SPAG16: variants seen among roughly 807,000 people sequenced by gnomAD.
The protein encoded by SPAG16 is sperm-associated antigen 16 protein.
A neutral mutation model predicts 80.4 loss-of-function variants in SPAG16; 86 were observed. The observed-to-expected ratio is 1.07, with a 90% confidence interval of 0.90 to 1.28. The LOEUF (loss-of-function observed/expected upper bound fraction) is 1.28, where lower values mean the gene tolerates loss of function less well. SPAG16 is among the 50% of genes most tolerant of loss of function. The probability of loss-of-function intolerance (pLI) is 0.00; values close to 1 mark genes in which losing one functional copy is unlikely to be tolerated. For missense variants in SPAG16, 870 were observed against 765.3 expected (o/e 1.14, Z -1.61); for synonymous variants, 294 against 265.9 (o/e 1.11, Z -1.03).
intron 15 of SPAG16, among the ~76,000 whole-genome samples, chr2:214,406,939 A>AT (rs1702028355): frequency 6.6e-6 from 1 of 152,116 alleles, no homozygotes; most frequent in Admixed American, 6.5e-5. Flanking sequence ...CTCAGTGTTG[A>AT]TATATACTGA....
intron 11 of SPAG16, among the ~76,000 whole-genome samples, chr2:213,885,021 G>A (rs2076498549): frequency 6.6e-6 from 1 of 152,148 alleles, no homozygotes; most frequent in Non-Finnish European, 1.5e-5. Flanking sequence ...CATTGCTGGG[G>A]AGGAACTGGT....
chr2:213,904,612 A>C (rs1346644635), intron 11 of SPAG16, among the ~76,000 whole-genome samples: 1 of 151,766 alleles, frequency 6.6e-6, no homozygotes, highest in Non-Finnish European at 1.5e-5. Flanking sequence ...AAAAAAAAAA[A>C]AAAAAAAAAC....
At chr2:213,702,081 T>C (rs926628624) in intron 10 of SPAG16, among the ~76,000 whole-genome samples, 1 of 152,222 alleles carries the variant, frequency 6.6e-6, no homozygotes, top group African/African-American at 2.4e-5. Context: ...AGAACTTTTA[T>C]GTCTAGCTAG....
chr2:213,777,927 T>A (rs936969837), intron 10 of SPAG16, among the ~76,000 whole-genome samples: 2 of 152,180 alleles, frequency 1.3e-5, no homozygotes, highest in Non-Finnish European at 2.9e-5. Context: ...CTCTAAAATA[T>A]CATCTTCCTG....
chr2:213,721,151 G>A (rs1461352038), intron 10 of SPAG16, among the ~76,000 whole-genome samples: 1 of 152,040 alleles, frequency 6.6e-6, no homozygotes, highest in African/African-American at 2.4e-5. Flanking sequence ...CCCAGGCTGA[G>A]TGCAGTGGCT....
intron 12 of SPAG16, among the ~76,000 whole-genome samples, chr2:214,001,917 A>G (rs1276429463): frequency 6.6e-6 from 1 of 152,204 alleles, no homozygotes; most frequent in Non-Finnish European, 1.5e-5. Flanking sequence ...GGCAATTTAT[A>G]AAGAAAAAGA....
At chr2:214,039,480 C>T (rs1044431273) in intron 13 of SPAG16, among the ~76,000 whole-genome samples, 4 of 152,176 alleles carry the variant, frequency 2.6e-5, no homozygotes, top group African/African-American at 7.2e-5. Context: ...AGCTTCTGCA[C>T]AGCAAAAGAA....
chr2:213,419,034 A>G (rs1267577481), intron 9 of SPAG16, among the ~76,000 whole-genome samples: 1 of 152,228 alleles, frequency 6.6e-6, no homozygotes, highest in African/African-American at 2.4e-5. Flanking sequence ...CAGGAGTAGT[A>G]TGGTAGGAAT....
intron 15 of SPAG16, among the ~76,000 whole-genome samples, chr2:214,392,699 A>G (rs1323092973): frequency 4.7e-4 from 6 of 12,798 alleles, no homozygotes; most frequent in East Asian, 3.1e-3. Flanking sequence ...CCTACAAAGG[A>G]AAAAAAAAAA....
chr2:213,831,567 G>T (rs62194368), intron 10 of SPAG16, among the ~76,000 whole-genome samples: 6,556 of 152,006 alleles, frequency 0.043, 236 homozygotes, highest in Non-Finnish European at 0.067. Flanking sequence ...TTGTTTGCTT[G>T]TTTGTATTCA....
At chr2:214,144,297 A>G (rs547528657) in intron 14 of SPAG16, among the ~76,000 whole-genome samples, 1 of 149,142 alleles carries the variant, frequency 6.7e-6, no homozygotes, top group African/African-American at 2.4e-5. Flanking sequence ...AAAGTATTAA[A>G]GGATTATAAA....
intron 12 of SPAG16, among the ~76,000 whole-genome samples, chr2:213,998,395 G>A (rs1323726583): frequency 1.3e-5 from 2 of 152,114 alleles, no homozygotes; most frequent in Admixed American, 6.6e-5. Flanking sequence ...TTTTATCAAG[G>A]GTTTTCCACT....
chr2:214,370,237 A>G (rs1282037903), intron 15 of SPAG16, among the ~76,000 whole-genome samples: 1 of 152,194 alleles, frequency 6.6e-6, no homozygotes, highest in Non-Finnish European at 1.5e-5. Context: ...TTATGTAAAT[A>G]AAATGGAATT....
At chr2:213,284,803 G>T (rs1280945793) in intron 1 of SPAG16, 184 bp downstream of exon 1, 7 of 829,586 alleles carry the variant, frequency 8.4e-6, no homozygotes, top group Non-Finnish European at 1.3e-5. Flanking sequence ...TGAATTTCTC[G>T]CCCTTAGTAG....
intron 12 of SPAG16, among the ~76,000 whole-genome samples, chr2:213,939,398 A>G (rs1016318590): frequency 1.3e-5 from 2 of 152,204 alleles, no homozygotes; most frequent in Non-Finnish European, 1.5e-5. Flanking sequence ...TCAAAAGATT[A>G]ATTCCTTTCT....
intron 10 of SPAG16, among the ~76,000 whole-genome samples, chr2:213,652,154 C>G (rs1288092171): frequency 6.6e-6 from 1 of 152,156 alleles, no homozygotes; most frequent in Non-Finnish European, 1.5e-5. Flanking sequence ...AGGTATACTA[C>G]TTAACTGCTC....
chr2:213,787,044 A>G (rs1222250750), intron 10 of SPAG16, among the ~76,000 whole-genome samples: 2 of 152,160 alleles, frequency 1.3e-5, no homozygotes, highest in African/African-American at 4.8e-5. Context: ...AATCAATATT[A>G]AGTTTAATGT....
chr2:214,122,038 C>G (rs2054245826), intron 14 of SPAG16, among the ~76,000 whole-genome samples: 1 of 151,588 alleles, frequency 6.6e-6, no homozygotes, highest in South Asian at 2.1e-4. Flanking sequence ...CATTTGTTTT[C>G]AAATAAGTAG....
At chr2:214,058,287 T>C (rs983154077) in intron 13 of SPAG16, among the ~76,000 whole-genome samples, 1 of 152,140 alleles carries the variant, frequency 6.6e-6, no homozygotes, top group Non-Finnish European at 1.5e-5. Flanking sequence ...TTCGAGGCCA[T>C]TGTAGTGTTA....
Sources: gnomAD v4.1 joint callset for allele counts (sites outside exome capture counted in the v4.1 genomes callset) on GRCh38, gnomAD v4.1.1 for gene constraint, MANE v1.5 for transcripts, NCBI Gene and HGNC (gene_info 2026-07-23, HGNC 2026-07-21) for gene names.